TRIM49: variants seen among roughly 807,000 people sequenced by gnomAD.
TRIM49 encodes the protein tripartite motif-containing protein 49.
In TRIM49, 5 loss-of-function variants were observed where a neutral mutation model predicts 27.4. The observed-to-expected ratio is 0.18, with a 90% confidence interval of 0.10 to 0.38. The LOEUF is 0.38. Ranked by LOEUF, TRIM49 falls within the 10% of genes least tolerant of loss-of-function variation. The probability of loss-of-function intolerance (pLI) is 1.00; values close to 1 mark genes in which losing one functional copy is unlikely to be tolerated. For missense variants in TRIM49, 188 were observed against 487.5 expected (o/e 0.39, Z 5.79); for synonymous variants, 69 against 166.0 (o/e 0.42, Z 4.49).
the TRIM49 span, among the ~76,000 whole-genome samples, chr11:89,783,656 T>C: frequency 2.1e-5 from 3 of 143,236 alleles, no homozygotes; most frequent in Non-Finnish European, 4.5e-5. Flanking sequence ...CATAAAGTGG[T>C]ATAAACCTTC....
At chr11:89,777,605 A>G in the TRIM49 span, among the ~76,000 whole-genome samples, 4 of 148,890 alleles carry the variant, frequency 2.7e-5, no homozygotes, top group Non-Finnish European at 5.9e-5. Context: ...CCTTAAAAAC[A>G]TTGTTCAAAC....
the TRIM49 span, chr11:89,785,916 G>GTA: frequency 7.0e-6 from 1 of 142,398 alleles, no homozygotes; most frequent in Non-Finnish European, 1.5e-5. Context: ...TTCCCGGACG[G>GTA]TGCCGCGATC....
At chr11:89,795,844 T>C (rs1282162099), downstream of TRIM49, among the ~76,000 whole-genome samples, 1 of 151,596 alleles carries the variant, frequency 6.6e-6, no homozygotes, top group Non-Finnish European at 1.5e-5. Flanking sequence ...ATGTAACAAA[T>C]CTGCACGTTG....
chr11:89,767,604 G>C, the TRIM49 span, among the ~76,000 whole-genome samples: 1 of 122,678 alleles, frequency 8.2e-6, no homozygotes, highest in Non-Finnish European at 1.5e-5. Flanking sequence ...CCAGATTCAG[G>C]CACAGACTTC....
chr11:89,787,236 G>C, the TRIM49 span: 1 of 218,082 alleles, frequency 4.6e-6, no homozygotes. Context: ...GAGGACCGGG[G>C]CGCCCTGGAC....
intron 3 of TRIM49, 74 bp downstream of exon 3, chr11:89,803,985 A>C: frequency 6.2e-7 from 1 of 1,611,614 alleles, no homozygotes. Context: ...GGCTTTATCC[A>C]ATCTCCAAGA....
rs182606610 is a variant in TRIM49 at position 89,798,706 on chromosome 11, A to T, written c.860-77T>A. 4.2e-5 allele frequency: 58 copies of T among 1,383,968 alleles called. 1 individual carries two copies. The Admixed American group carries it at 1.5e-3, about 36-fold the overall frequency. The allele number at this position is 1,383,968 out of a possible 1,614,324, so 85.7% of individuals were successfully genotyped here. A position where few individuals can be genotyped will look rare whatever the true frequency, so the allele number is the denominator to read the frequency against. Reference sequence around the variant, plus strand: ...AAAATAATTGTTCTATCAAGAAGTTACTTTACCAGCAAATGTAAAGTCATA... The same window carrying T: ...AAAATAATTGTTCTATCAAGAAGTTTCTTTACCAGCAAATGTAAAGTCATA... On this transcript the variant is annotated intron_variant, in intron 7 of 7. Coordinates refer to ENST00000329758, the MANE Select transcript of TRIM49 (RefSeq NM_020358.2).
downstream of TRIM49, among the ~76,000 whole-genome samples, chr11:89,796,487 T>C (rs1421747328): frequency 7.3e-6 from 1 of 136,466 alleles, no homozygotes; most frequent in African/African-American, 3.2e-5. Context: ...TCTCACACCT[T>C]GGTCTCCCCA....
chr11:89,791,268 G>A, the TRIM49 span, among the ~76,000 whole-genome samples: 6 of 152,042 alleles, frequency 3.9e-5, no homozygotes, highest in African/African-American at 1.4e-4. Flanking sequence ...ATCTGTGTCT[G>A]ATTGGTGATG....
At chr11:89,785,284 G>C in the TRIM49 span, among the ~76,000 whole-genome samples, 10 of 144,718 alleles carry the variant, frequency 6.9e-5, 2 homozygotes, top group African/African-American at 2.7e-4. Context: ...CTCTTGAATG[G>C]AGGGCGAAAA....
intron 3 of TRIM49, 30 bp downstream of exon 3, chr11:89,804,029 C>A: frequency 1.9e-6 from 3 of 1,610,730 alleles, no homozygotes; most frequent in Non-Finnish European, 2.5e-6. Context: ...GCTTCCTTTA[C>A]AGAAATCGAT....
chr11:89,800,817 G>A (rs1949729837), intron 6 of TRIM49, 149 bp downstream of exon 6: 2 of 588,198 alleles, frequency 3.4e-6, no homozygotes, highest in South Asian at 4.4e-5. Context: ...TTACTTCGTG[G>A]CCTTGTCTTT....
downstream of TRIM49, among the ~76,000 whole-genome samples, chr11:89,797,459 A>G (rs1184841994): frequency 6.9e-6 from 1 of 145,450 alleles, no homozygotes; most frequent in African/African-American, 2.6e-5. Context: ...CAGGACTTCA[A>G]TCTATCTGGA....
chr11:89,803,731 C>T lies in TRIM49; in HGVS notation c.474G>A (p.Leu158=). 7.1e-7 allele frequency: 1 copy of T among 1,407,056 alleles called. No individual in the cohort carries two copies. Among genetic ancestry groups the T allele is most frequent in the South Asian group, 1.4e-5 (1 of 72,884 alleles). 87.2% of individuals were successfully genotyped at this position (1,407,056 alleles called of 1,614,324 possible). ...WEKACENHRN[L]NVETTRTRCW... ...ATCTGGTTCTGGTGGTTTCCACATT[C>T]AGGTTTCTGTGATTTTCACAAGCTT... The change falls in exon 4 of 8, where the codon CTG becomes CTA. Residue 158 remains leucine, a synonymous_variant. Coordinates refer to ENST00000329758, the MANE Select transcript of TRIM49 (RefSeq NM_020358.2).
chr11:89,785,902 G>T, the TRIM49 span: 1 of 143,338 alleles, frequency 7.0e-6, no homozygotes, highest in African/African-American at 2.8e-5. Flanking sequence ...GCGGGCACTA[G>T]GCTTTCCCGG....
At chr11:89,790,847 C>T in the TRIM49 span, among the ~76,000 whole-genome samples, 1 of 152,108 alleles carries the variant, frequency 6.6e-6, no homozygotes, top group African/African-American at 2.4e-5. Flanking sequence ...AGCACCTCTC[C>T]CCCTCCAAAG....
intron 2 of TRIM49, among the ~76,000 whole-genome samples, chr11:89,805,894 T>C (rs1263620550): frequency 1.3e-5 from 2 of 150,038 alleles, no homozygotes; most frequent in Non-Finnish European, 1.5e-5. Flanking sequence ...ATTTTTGTAT[T>C]TTTTTAGTAG....
downstream of TRIM49, among the ~76,000 whole-genome samples, chr11:89,793,363 A>C (rs535375143): frequency 9.9e-4 from 151 of 152,254 alleles, 1 homozygote; most frequent in African/African-American, 3.4e-3. Flanking sequence ...AAAAGAGGGA[A>C]TCCTCCCTAA....
the TRIM49 span, among the ~76,000 whole-genome samples, chr11:89,790,669 C>T: frequency 6.6e-6 from 1 of 152,000 alleles, no homozygotes; most frequent in Non-Finnish European, 1.5e-5. Context: ...AAAACTCCAA[C>T]AGACCTGCAG....
Sources: allele counts gnomAD v4.1 joint callset (sites outside exome capture counted in the v4.1 genomes callset), GRCh38; gene constraint gnomAD v4.1.1; transcripts MANE v1.5; gene names NCBI Gene and HGNC (gene_info 2026-07-23, HGNC 2026-07-21).